Variants in SRGAP1 observed in about 807,000 individuals in gnomAD.
The protein encoded by SRGAP1 is SLIT-ROBO Rho GTPase activating protein 1, also known as SLIT-ROBO Rho GTPase-activating protein 1.
A neutral mutation model predicts 121.9 loss-of-function variants in SRGAP1; 43 were observed. The observed-to-expected ratio is 0.35, with a 90% CI of 0.28 to 0.46. SRGAP1 has a LOEUF of 0.46. Among genes scored for constraint, SRGAP1 ranks in the 20% least tolerant of loss-of-function variants. The pLI is 1.00. For synonymous variants in SRGAP1, 447 were observed against 485.4 expected, an observed-to-expected ratio of 0.92 and a Z score of 1.04; for missense variants, 1,102 against 1,350.9, an observed-to-expected ratio of 0.82 and a Z score of 2.89.
chr12:63,983,980 G>A lies in SRGAP1; in HGVS notation c.101G>A (p.Cys34Tyr). Residue 34 changes from cysteine (C) to tyrosine (Y), a missense_variant, in exon 2 of 22, where the codon TGC becomes TAC. Coordinates refer to ENST00000355086, the MANE Select transcript of SRGAP1 (RefSeq NM_020762.4). ...GCTCAACTGGTAGAACAACAAAAAT[G>A]CCTGGAGCAGCAAACGGAGATGCGA... is the stretch of plus-strand genomic sequence containing the variant. ...IRAQLVEQQK[C>Y]LEQQTEMRVQ... 1 of 1,552,382 alleles carries A rather than the reference G, an allele frequency of 6.4e-7. No homozygotes were observed. Among genetic ancestry groups the A allele is most frequent in the Non-Finnish European group, 8.8e-7 (1 of 1,141,236 alleles).
At chr12:64,060,150 TTCCTTCCTTCCA>T (rs1177174163) in intron 6 of SRGAP1, among the ~76,000 whole-genome samples, 1 of 151,826 alleles carries the variant, frequency 6.6e-6, no homozygotes, top group Non-Finnish European at 1.5e-5. Context: ...TTTTTTCTTT[TTCCTTCCTTCCA>T]TCCTTCCTTC....
At chr12:63,985,687 T>C (rs1217981895) in intron 2 of SRGAP1, among the ~76,000 whole-genome samples, 6 of 152,198 alleles carry the variant, frequency 3.9e-5, no homozygotes, top group Admixed American at 3.9e-4. Context: ...TTAATTTCAC[T>C]TGGGGCAGAG....
chr12:63,870,166 T>G (rs1899800403), intron 1 of SRGAP1, among the ~76,000 whole-genome samples: 1 of 152,220 alleles, frequency 6.6e-6, no homozygotes, highest in Admixed American at 6.5e-5. Flanking sequence ...GATAAAAGTC[T>G]GTATTTTTTT....
At chr12:64,034,644 C>T (rs553202427) in intron 4 of SRGAP1, among the ~76,000 whole-genome samples, 4 of 152,294 alleles carry the variant, frequency 2.6e-5, no homozygotes, top group Non-Finnish European at 4.4e-5. Flanking sequence ...CTGTGCTCTT[C>T]GTATGTGTTA....
chr12:64,117,247 T>C (rs1389271773), intron 18 of SRGAP1, among the ~76,000 whole-genome samples: 3 of 152,226 alleles, frequency 2.0e-5, no homozygotes, highest in African/African-American at 7.2e-5. Context: ...AAAGACATGG[T>C]TGATAATGTG....
At chr12:64,050,873 C>A (rs2035225965) in intron 6 of SRGAP1, among the ~76,000 whole-genome samples, 2 of 152,152 alleles carry the variant, frequency 1.3e-5, no homozygotes. Context: ...AGGTACGGAC[C>A]ACCATGCCCG....
chr12:63,926,703 G>A (rs925440729), intron 1 of SRGAP1, among the ~76,000 whole-genome samples: 18 of 152,044 alleles, frequency 1.2e-4, no homozygotes, highest in African/African-American at 4.3e-4. Context: ...GTGAGACACT[G>A]GAAATTCATT....
At chr12:63,997,945 A>T (rs1048999845) in intron 3 of SRGAP1, among the ~76,000 whole-genome samples, 1 of 152,104 alleles carries the variant, frequency 6.6e-6, no homozygotes, top group African/African-American at 2.4e-5. Flanking sequence ...CATAAATAGG[A>T]AAAACTAGAA....
intron 1 of SRGAP1, among the ~76,000 whole-genome samples, chr12:63,926,378 T>C (rs935061670): frequency 2.0e-5 from 3 of 152,164 alleles, no homozygotes; most frequent in African/African-American, 7.2e-5. Context: ...TCCAGTTTCA[T>C]AGGAGAGGAA....
At chr12:64,070,891 G>T (rs1000403335) in intron 8 of SRGAP1, among the ~76,000 whole-genome samples, 12 of 152,126 alleles carry the variant, frequency 7.9e-5, no homozygotes, top group African/African-American at 2.9e-4. Context: ...GTAAGTCAAT[G>T]ATCAAACTCT....
chr12:63,983,825 TATATATATA>T (rs2033332049), intron 1 of SRGAP1, 113 bp from the exon 2 acceptor site: 1 of 90,764 alleles, frequency 1.1e-5, no homozygotes, highest in Non-Finnish European at 2.1e-5. Flanking sequence ...TATATATATA[TATATATATA>T]TATATATATA....
At chr12:63,960,854 C>G (rs2032617347) in intron 1 of SRGAP1, among the ~76,000 whole-genome samples, 1 of 152,152 alleles carries the variant, frequency 6.6e-6, no homozygotes, top group South Asian at 2.1e-4. Context: ...GCTCTAGAAG[C>G]TGGAAGAGGC....
In SRGAP1 at chr12:63,987,599, G is replaced by A. The variant is rs578074293; in HGVS notation, c.264-2311G>A. ...TAGCCGGGCATGGTGGCAGGCACCT[G>A]TAATCCCAGCTACTTGGGAGGCTGA... On this transcript the variant is annotated intron_variant, in intron 2 of 21. Coordinates refer to ENST00000355086, the MANE Select transcript of SRGAP1 (RefSeq NM_020762.4). 1.8e-4 allele frequency among the ~76,000 whole-genome samples: 28 copies of A among 152,216 alleles called. 1 individual carries two copies. In the South Asian group the frequency reaches 5.8e-3, roughly 32 times the overall value.
intron 17 of SRGAP1, among the ~76,000 whole-genome samples, chr12:64,113,673 C>T (rs1267755838): frequency 6.6e-6 from 1 of 152,140 alleles, no homozygotes; most frequent in Non-Finnish European, 1.5e-5. Context: ...AAAGAAACTT[C>T]AATTTCTTGA....
At chr12:63,974,742 C>G (rs2033048394) in intron 1 of SRGAP1, among the ~76,000 whole-genome samples, 1 of 152,108 alleles carries the variant, frequency 6.6e-6, no homozygotes, top group Non-Finnish European at 1.5e-5. Flanking sequence ...TAGAAAAAGA[C>G]CTTAGGGAGT....
chr12:64,147,599 C>T lies in SRGAP1; in HGVS notation c.*4927C>T, dbSNP rs1045453163. ...CGCTCATGTGCTGCTGACAGCATCG[C>T]ATTCGCCCGTGCTCTGTACTGCCTC... On this transcript the variant is annotated 3_prime_UTR_variant, in exon 22 of 22. Transcript: ENST00000355086. 3.8e-5 allele frequency: 15 copies of T among 398,680 alleles called. No homozygotes were observed. The highest frequency in any genetic ancestry group is 3.1e-4 in the African/African-American group (15 of 48,612). 24.7% of individuals were successfully genotyped at this position (398,680 alleles called of 1,614,324 possible).
chr12:64,075,747 A>G (rs1004151986), intron 8 of SRGAP1, among the ~76,000 whole-genome samples: 1 of 152,206 alleles, frequency 6.6e-6, no homozygotes, highest in Admixed American at 6.5e-5. Context: ...GGTCATTAAT[A>G]TGCTTTTTTT....
intron 1 of SRGAP1, among the ~76,000 whole-genome samples, chr12:63,920,902 T>TGGGGAGAAAATGAAAAAAA (rs1269929002): frequency 1.3e-5 from 2 of 152,206 alleles, no homozygotes; most frequent in Non-Finnish European, 2.9e-5. Context: ...AAAGTTTTTT[T>TGGGGAGAAAATGAAAAAAA]AATATGGAGA....
chr12:63,949,567 A>C (rs1041575577), intron 1 of SRGAP1, among the ~76,000 whole-genome samples: 4 of 151,700 alleles, frequency 2.6e-5, no homozygotes, highest in Non-Finnish European at 5.9e-5. Context: ...AGCTGGGACT[A>C]CAGGCGCCTG....
Sources: gnomAD v4.1 joint callset for allele counts (sites outside exome capture counted in the v4.1 genomes callset) on GRCh38, gnomAD v4.1.1 for gene constraint, MANE v1.5 for transcripts, NCBI Gene and HGNC (gene_info 2026-07-23, HGNC 2026-07-21) for gene names.